The following NAA25 variants were observed in gnomAD, a reference collection of about 807,000 sequenced individuals.
The protein encoded by NAA25 is N-terminal acetyltransferase B complex subunit NAA25.
In NAA25, 30 loss-of-function variants were observed where a neutral mutation model predicts 132.5. The ratio of observed to expected loss-of-function variants is 0.23; its 90% confidence interval spans 0.17 to 0.31. The LOEUF (loss-of-function observed/expected upper bound fraction) is 0.31, where lower values mean the gene tolerates loss of function less well. NAA25 is among the 10% of genes least tolerant of loss of function. NAA25 has a pLI of 1.00. For synonymous variants in NAA25, 359 were observed against 401.9 expected, an observed-to-expected ratio of 0.89 and a Z score of 1.28; for missense variants, 771 against 1,150.4, an observed-to-expected ratio of 0.67 and a Z score of 4.77.
intron 17 of NAA25, among the ~76,000 whole-genome samples, chr12:112,045,773 C>T (rs1478132057): frequency 6.6e-6 from 1 of 151,798 alleles, no homozygotes; most frequent in African/African-American, 2.4e-5. Context: ...CTAGCCTGGG[C>T]GACAGAGACA....
In NAA25 at chr12:112,059,792, G is replaced by C. The variant is rs532393182; in HGVS notation, c.1447+478C>G. On this transcript the variant is annotated intron_variant, in intron 13 of 23. Transcript: ENST00000261745. ...CATTTAACATTATCCTGGTTACAAG[G>C]GGATAAACTGGAGACAGGTTTTTTT... is the stretch of plus-strand genomic sequence containing the variant. Among the ~76,000 whole-genome samples, 31 of 150,966 alleles carry C rather than the reference G, an allele frequency of 2.1e-4. No individual in the cohort carries two copies. In the South Asian group the frequency reaches 6.3e-3, roughly 30 times the overall value.
At chr12:112,061,449 T>A in intron 11 of NAA25, 61 bp from the exon 12 acceptor site, 1 of 1,189,778 alleles carries the variant, frequency 8.4e-7, no homozygotes, top group South Asian at 1.2e-5. Flanking sequence ...CAGTAGGCCA[T>A]AATTAACAGA....
Position 112,093,067 on chromosome 12 carries a change from T to G in NAA25, c.128A>C (p.Asp43Ala). 6.2e-7 allele frequency: 1 copy of G among 1,610,484 alleles called. No individual in the cohort carries two copies. The highest frequency in any genetic ancestry group is 8.5e-7 in the Non-Finnish European group (1 of 1,177,078). ...TGAAGTTACCTTAGCACAATGAAGA[T>G]CCTTATGTTTCTTCAACAGTTTATC... ...QADKLLKKHK[D>A]LHCAKVLKAI... Residue 43 changes from aspartate to alanine, a missense_variant, in exon 2 of 24, where the codon GAT (aspartate) becomes GCT (alanine). Physicochemically the swap from Asp to Ala is moderately radical, Grantham distance 126. Around this residue, in one of 3 missense-constraint regions of NAA25, gnomAD observed 417 missense variants for 733.8 expected, o/e 0.57. Coordinates refer to ENST00000261745, the MANE Select transcript of NAA25 (RefSeq NM_024953.4).
intron 14 of NAA25, among the ~76,000 whole-genome samples, 188 bp from the exon 15 acceptor site, chr12:112,053,845 A>G (rs2078504858): frequency 6.7e-6 from 1 of 148,218 alleles, no homozygotes; most frequent in Non-Finnish European, 1.5e-5. Context: ...AAAAAAAGCC[A>G]AAAGTTAACT....
chr12:112,028,415 G>A lies in NAA25; in HGVS notation c.*1116C>T, dbSNP rs2078108453. Reference sequence around the variant, plus strand: ...TGATAGAAGAAGCTAGAGTCTTGGGGACATCCAGGTGAACAAAGTAAACAC... The same window carrying A: ...TGATAGAAGAAGCTAGAGTCTTGGGAACATCCAGGTGAACAAAGTAAACAC... On this transcript the variant is annotated 3_prime_UTR_variant, in exon 24 of 24. Coordinates refer to ENST00000261745, the MANE Select transcript of NAA25 (RefSeq NM_024953.4). 1 of 152,396 alleles carries A rather than the reference G, an allele frequency of 6.6e-6. No individual in the cohort carries two copies. The highest frequency in any genetic ancestry group is 6.6e-5 in the Admixed American group (1 of 15,254). The allele number at this position is 152,396 out of a possible 1,614,324, so 9.4% of individuals were successfully genotyped here.
chr12:112,074,341 CAAAA>C (rs34077129), intron 9 of NAA25, among the ~76,000 whole-genome samples: 5 of 34,912 alleles, frequency 1.4e-4, no homozygotes, highest in African/African-American at 3.1e-4. Context: ...AACTCCATCT[CAAAA>C]AAAAAAAAAA....
At chr12:112,047,226 A>ATT (rs2078397623) in intron 17 of NAA25, among the ~76,000 whole-genome samples, 1 of 136,894 alleles carries the variant, frequency 7.3e-6, no homozygotes, top group African/African-American at 3.0e-5. Flanking sequence ...ATTCATCCTA[A>ATT]TTCTTTTTTT....
At chr12:112,095,789 T>C (rs1379394926) in intron 1 of NAA25, among the ~76,000 whole-genome samples, 1 of 152,118 alleles carries the variant, frequency 6.6e-6, no homozygotes, top group Non-Finnish European at 1.5e-5. Context: ...TGAAAAACTA[T>C]ACAGATAGTA....
In NAA25 at chr12:112,090,623, T is replaced by C. The variant is rs376761085; in HGVS notation, c.283+103A>G. 2.4e-4 allele frequency: 281 copies of C among 1,183,380 alleles called. 2 individuals are homozygous for C. The African/African-American group carries it at 3.9e-3, about 16-fold the overall frequency. 73.3% of individuals were successfully genotyped at this position (1,183,380 alleles called of 1,614,324 possible). A position where few individuals can be genotyped will look rare whatever the true frequency, so the allele number is the denominator to read the frequency against. On this transcript the variant is annotated intron_variant, in intron 3 of 23. Coordinates refer to ENST00000261745, the MANE Select transcript of NAA25 (RefSeq NM_024953.4). ...GGCTAATGCGTTATTCTACCTACTG[T>C]ATCCATTCAAATCATGAGTGAGAAA...
intron 11 of NAA25, among the ~76,000 whole-genome samples, chr12:112,064,728 T>A (rs1189226192): frequency 2.6e-5 from 4 of 152,168 alleles, no homozygotes; most frequent in Non-Finnish European, 4.4e-5. Flanking sequence ...GTGCAAAAAA[T>A]TTCTTTAAAA....
At chr12:112,051,093 C>T (rs937123725) in intron 15 of NAA25, among the ~76,000 whole-genome samples, 2 of 152,196 alleles carry the variant, frequency 1.3e-5, no homozygotes, top group African/African-American at 4.8e-5. Context: ...TGAACACACA[C>T]AGTAAGACAC....
chr12:112,066,722 G>C (rs545474429), intron 11 of NAA25, among the ~76,000 whole-genome samples: 53 of 152,276 alleles, frequency 3.5e-4, no homozygotes, highest in African/African-American at 1.2e-3. Context: ...CTCAAACAGA[G>C]CTTTACTAAA....
rs551364130 is a variant in NAA25 at position 112,103,073 on chromosome 12, G to A, written c.58+5643C>T. On this transcript the variant is annotated intron_variant, in intron 1 of 23. Transcript: ENST00000261745. Reference sequence around the variant, plus strand: ...ACAATCTCAGCTCACTGCAGCCTCCGCCTCCCGGGTTCAAGTGATTCTTCT... The same window carrying A: ...ACAATCTCAGCTCACTGCAGCCTCCACCTCCCGGGTTCAAGTGATTCTTCT... 2.2e-4 allele frequency among the ~76,000 whole-genome samples: 34 copies of A among 152,210 alleles called. 1 individual carries two copies. In the South Asian group the frequency reaches 6.4e-3, roughly 29 times the overall value.
chr12:112,040,431 G>A lies in NAA25; in HGVS notation c.2538+50C>T, dbSNP rs767310565. The A allele has an allele frequency of 2.6e-5, 30 of 1,139,356 alleles. No individual in the cohort carries two copies. The South Asian group carries it at 3.8e-4, about 14-fold the overall frequency. 70.6% of individuals were successfully genotyped at this position (1,139,356 alleles called of 1,614,324 possible). A position where few individuals can be genotyped will look rare whatever the true frequency, so the allele number is the denominator to read the frequency against. ...TGTTCACTGTTGAAAAATGAATCCT[G>A]TAGACCATTAAGAACAACAATGTCT... On this transcript the variant is annotated intron_variant, in intron 21 of 23. Transcript: ENST00000261745.
chr12:112,066,854 T>A (rs1252230919), intron 11 of NAA25, among the ~76,000 whole-genome samples: 2 of 152,216 alleles, frequency 1.3e-5, no homozygotes, highest in African/African-American at 2.4e-5. Context: ...TACTGAACCT[T>A]CATGGACTAC....
intron 4 of NAA25, among the ~76,000 whole-genome samples, chr12:112,084,906 G>A (rs2079022864): frequency 6.6e-6 from 1 of 151,808 alleles, no homozygotes; most frequent in Non-Finnish European, 1.5e-5. Flanking sequence ...AGACCAGCCC[G>A]GCCAACATGG....
intron 2 of NAA25, 83 bp downstream of exon 2, chr12:112,092,968 G>T: frequency 1.0e-6 from 1 of 960,260 alleles, no homozygotes; most frequent in Non-Finnish European, 1.6e-6. Flanking sequence ...GAGCCACCAT[G>T]CCCGGCCCTC....
chr12:112,065,103 G>A (rs1458101581), intron 11 of NAA25, among the ~76,000 whole-genome samples: 3 of 152,118 alleles, frequency 2.0e-5, no homozygotes, highest in East Asian at 3.9e-4. Context: ...GCTCACGCCT[G>A]TAATCCCAGC....
At chr12:112,100,776 C>T (rs976583938) in intron 1 of NAA25, among the ~76,000 whole-genome samples, 10 of 151,888 alleles carry the variant, frequency 6.6e-5, no homozygotes, top group African/African-American at 1.2e-4. Context: ...CCCGCCATCA[C>T]GCCCGGAGAA....
Sources: gnomAD v4.1 joint callset for allele counts (sites outside exome capture counted in the v4.1 genomes callset) on GRCh38, gnomAD v4.1.1 for gene constraint, gnomAD v4.1.1 regional missense constraint, MANE v1.5 for transcripts, NCBI Gene and HGNC (gene_info 2026-07-23, HGNC 2026-07-21) for gene names.